EPB41L2: variants seen among roughly 807,000 people sequenced by gnomAD.
EPB41L2 encodes band 4.1-like protein 2.
A neutral mutation model predicts 113.0 loss-of-function variants in EPB41L2; 43 were observed. The observed-to-expected ratio is 0.38, with a 90% CI of 0.30 to 0.49. The LOEUF (loss-of-function observed/expected upper bound fraction) is 0.49, where lower values mean the gene tolerates loss of function less well. Ranked by LOEUF, EPB41L2 falls within the 20% of genes least tolerant of loss-of-function variation. The pLI, the probability that EPB41L2 is intolerant of heterozygous loss-of-function variation, is 0.95. For synonymous variants in EPB41L2, 442 were observed against 436.7 expected (o/e 1.01, Z -0.15); for missense variants, 1,147 against 1,223.4 (o/e 0.94, Z 0.93).
intron 3 of EPB41L2, among the ~76,000 whole-genome samples, chr6:130,949,656 A>G (rs1385081712): frequency 6.6e-6 from 1 of 151,914 alleles, no homozygotes; most frequent in Non-Finnish European, 1.5e-5. Flanking sequence ...ATGGGATAGG[A>G]CGAGAAAATT....
At chr6:131,012,768 A>G (rs1787331121) in intron 1 of EPB41L2, among the ~76,000 whole-genome samples, 1 of 152,166 alleles carries the variant, frequency 6.6e-6, no homozygotes, top group African/African-American at 2.4e-5. Context: ...CCACAAAATT[A>G]CATTAAATGA....
chr6:130,962,240 T>C (rs368171269), intron 1 of EPB41L2, among the ~76,000 whole-genome samples: 154 of 152,110 alleles, frequency 1.0e-3, no homozygotes, highest in African/African-American at 3.3e-3. Context: ...ATATTCATCA[T>C]TTAAAAGGAG....
chr6:130,855,981 T>G (rs961689404), intron 19 of EPB41L2, among the ~76,000 whole-genome samples: 8 of 151,884 alleles, frequency 5.3e-5, no homozygotes, highest in African/African-American at 1.9e-4. Flanking sequence ...CATGGACCAA[T>G]AGAAATAGTG....
chr6:130,843,180 CAGTT>C (rs1478868195), intron 19 of EPB41L2, among the ~76,000 whole-genome samples: 6 of 152,134 alleles, frequency 3.9e-5, no homozygotes, highest in African/African-American at 1.4e-4. Flanking sequence ...AAGTACTAAA[CAGTT>C]AGCTTTTGAG....
chr6:130,978,531 A>G (rs1225951176), intron 1 of EPB41L2: 1 of 152,232 alleles, frequency 6.6e-6, no homozygotes, highest in Non-Finnish European at 1.5e-5. Context: ...AAGTGCCAAG[A>G]TGTTCTCAAT....
At chr6:130,932,179 G>C (rs923992547) in intron 3 of EPB41L2, among the ~76,000 whole-genome samples, 5 of 151,558 alleles carry the variant, frequency 3.3e-5, no homozygotes, top group Admixed American at 2.0e-4. Flanking sequence ...GAAAAATAAG[G>C]TTATAGAAAG....
In EPB41L2 at chr6:130,894,329, T is replaced by C. The variant is rs1458155415; in HGVS notation, c.1487+15A>G. 5 of 1,609,546 alleles carry C rather than the reference T, an allele frequency of 3.1e-6. No homozygotes were observed. The highest frequency in any genetic ancestry group is 2.2e-5 in the East Asian group (1 of 44,824). The stretch of plus-strand genomic sequence containing the variant: ...GCGATCATGCCCGGCTTCCGAGCTG[T>C]TTTCCTAAAATTACCTGTAGAAAGT... On this transcript the variant is annotated intron_variant, in intron 10 of 19. Coordinates refer to ENST00000337057, the MANE Select transcript of EPB41L2 (RefSeq NM_001431.4).
chr6:131,032,457 T>C (rs990234723), intron 1 of EPB41L2, among the ~76,000 whole-genome samples: 1 of 152,068 alleles, frequency 6.6e-6, no homozygotes, highest in Non-Finnish European at 1.5e-5. Flanking sequence ...AAGTAAAAAA[T>C]AAAAATTGGC....
intron 3 of EPB41L2, among the ~76,000 whole-genome samples, chr6:130,940,464 C>CTTTTTTTTTTT (rs201049585): frequency 7.0e-6 from 1 of 142,934 alleles, no homozygotes. Context: ...CTAAATATAT[C>CTTTTTTTTTTT]TTTTTTTTTT....
chr6:130,872,278 A>G (rs1406411948), intron 14 of EPB41L2: 2 of 943,410 alleles, frequency 2.1e-6, no homozygotes, highest in Non-Finnish European at 2.7e-6. Flanking sequence ...CACCAATGAA[A>G]GCACTGGAGG....
intron 1 of EPB41L2, among the ~76,000 whole-genome samples, chr6:131,021,020 A>C (rs1457128941): frequency 1.3e-5 from 2 of 151,856 alleles, no homozygotes; most frequent in Non-Finnish European, 2.9e-5. Context: ...CTGGTCTCAA[A>C]CTCCTAGCCT....
At chr6:130,982,010 A>T (rs913799608) in intron 1 of EPB41L2, among the ~76,000 whole-genome samples, 13 of 152,102 alleles carry the variant, frequency 8.5e-5, no homozygotes, top group African/African-American at 3.1e-4. Context: ...TGATTTTAAA[A>T]GTTTTGATGA....
chr6:131,006,575 C>G (rs1475247828), intron 1 of EPB41L2, among the ~76,000 whole-genome samples: 1 of 150,922 alleles, frequency 6.6e-6, no homozygotes, highest in Non-Finnish European at 1.5e-5. Context: ...GAGGCTAAGG[C>G]AGGAGAATCG....
chr6:130,880,466 C>T (rs537878437), intron 12 of EPB41L2: 75 of 655,366 alleles, frequency 1.1e-4, no homozygotes, highest in South Asian at 8.9e-4. Flanking sequence ...CTTCCAGCTG[C>T]GTTTCCTCTT....
At chr6:130,913,195 A>T (rs184389580) in intron 4 of EPB41L2, among the ~76,000 whole-genome samples, 1 of 152,222 alleles carries the variant, frequency 6.6e-6, no homozygotes, top group Non-Finnish European at 1.5e-5. Context: ...AAACCCAGCA[A>T]TATGAGTGAA....
At chr6:130,996,020 T>C (rs781510970) in intron 1 of EPB41L2, among the ~76,000 whole-genome samples, 1 of 152,276 alleles carries the variant, frequency 6.6e-6, no homozygotes, top group African/African-American at 2.4e-5. Context: ...TTCTTCCCAC[T>C]GGACCTCAGA....
At chr6:130,911,383 A>AG (rs1799346763) in intron 4 of EPB41L2, among the ~76,000 whole-genome samples, 1 of 152,048 alleles carries the variant, frequency 6.6e-6, no homozygotes, top group African/African-American at 2.4e-5. Context: ...GTGGGGGGCT[A>AG]GGGGAGGGAC....
At chr6:130,902,960 C>T (rs988120160) in intron 6 of EPB41L2, among the ~76,000 whole-genome samples, 7 of 152,128 alleles carry the variant, frequency 4.6e-5, no homozygotes, top group Non-Finnish European at 8.8e-5. Context: ...GTGAAGATTT[C>T]GATCATGACA....
At chr6:130,947,100 T>C (rs972952588) in intron 3 of EPB41L2, among the ~76,000 whole-genome samples, 2 of 146,550 alleles carry the variant, frequency 1.4e-5, no homozygotes, top group South Asian at 2.3e-4. Context: ...TTGACTTTGC[T>C]AGGTCCTGTA....
Sources: allele counts gnomAD v4.1 joint callset (sites outside exome capture counted in the v4.1 genomes callset), GRCh38; gene constraint gnomAD v4.1.1; transcripts MANE v1.5; gene names NCBI Gene and HGNC (gene_info 2026-07-23, HGNC 2026-07-21).